CRPPA: variants seen among roughly 807,000 people sequenced by gnomAD.
CRPPA encodes D-ribitol-5-phosphate cytidylyltransferase.
A neutral mutation model predicts 52.0 loss-of-function variants in CRPPA; 43 were observed. The ratio of observed to expected loss-of-function variants is 0.83; its 90% CI spans 0.65 to 1.07. The LOEUF is 1.07. Ranked by LOEUF, CRPPA falls within the 50% of genes least tolerant of loss-of-function variation. The probability of loss-of-function intolerance (pLI) is 0.00; values close to 1 mark genes in which losing one functional copy is unlikely to be tolerated. For missense variants in CRPPA, 629 were observed against 551.7 expected (o/e 1.14, Z -1.40); for synonymous variants, 250 against 203.5 (o/e 1.23, Z -1.94).
rs139729818 is a variant in CRPPA, at chr7:16,415,915, G to T, written c.257+5151C>A. Among the ~76,000 whole-genome samples the T allele has an allele frequency of 4.8e-4, 73 of 152,274 alleles. No homozygotes were observed. In the East Asian group the frequency reaches 0.014, roughly 29 times the overall value. ...TTTAGGAATTTGGGGCCAAAGTTCA[G>T]AAGTTTCTACCTTCTCTTTTGCAGT... On this transcript the variant is annotated intron_variant, in intron 1 of 9. Coordinates refer to ENST00000407010, the MANE Select transcript of CRPPA (RefSeq NM_001101426.4).
chr7:16,216,883 C>G (rs1037198679), intron 8 of CRPPA, among the ~76,000 whole-genome samples: 39 of 152,194 alleles, frequency 2.6e-4, no homozygotes, highest in Middle Eastern at 6.8e-3. Flanking sequence ...CGCCATTGCC[C>G]AGGCTTGCTT....
chr7:16,167,587 G>C (rs1781094279), intron 9 of CRPPA, among the ~76,000 whole-genome samples: 1 of 152,126 alleles, frequency 6.6e-6, no homozygotes, highest in South Asian at 2.1e-4. Context: ...CAGTATAAAA[G>C]AAATGGGCTT....
At chr7:16,096,091 C>T (rs1781930109) in intron 9 of CRPPA, among the ~76,000 whole-genome samples, 1 of 152,110 alleles carries the variant, frequency 6.6e-6, no homozygotes, top group Admixed American at 6.6e-5. Context: ...CTGAATCCGA[C>T]CAGCCCTAAG....
chr7:16,234,832 T>C (rs948142832), intron 8 of CRPPA, among the ~76,000 whole-genome samples: 6 of 152,030 alleles, frequency 3.9e-5, no homozygotes, highest in Non-Finnish European at 5.9e-5. Context: ...CAAGAGGAAA[T>C]GTCACTCAAA....
chr7:16,129,244 C>A (rs145863725), intron 9 of CRPPA, among the ~76,000 whole-genome samples: 1 of 152,042 alleles, frequency 6.6e-6, no homozygotes, highest in Non-Finnish European at 1.5e-5. Context: ...CTCTCTTCTA[C>A]CTTCAGATCT....
chr7:16,148,595 A>G lies in CRPPA; in HGVS notation c.1252-56796T>C, dbSNP rs75909081. 2.4e-3 allele frequency among the ~76,000 whole-genome samples: 359 copies of G among 152,226 alleles called. 1 individual carries two copies. Among genetic ancestry groups the G allele is most frequent in the Non-Finnish European group, 4.4e-3 (298 of 67,984 alleles). Reference sequence around the variant, plus strand: ...GTGAGAGCTAAAACAATGAGCTCATATAACAAGTAGAGAGTGGAATTTTGG... The same window carrying G: ...GTGAGAGCTAAAACAATGAGCTCATGTAACAAGTAGAGAGTGGAATTTTGG... On this transcript the variant is annotated intron_variant, in intron 9 of 9. Coordinates refer to ENST00000407010, the MANE Select transcript of CRPPA (RefSeq NM_001101426.4).
At position 16,089,202 on chromosome 7, in the gene CRPPA, A is replaced by ACGTACGTATATACATGTATGTGTGTATG. The variant is rs1781762822; in HGVS notation, c.*2492_*2493insCATACACACATACATGTATATACGTACG. On this transcript the variant is annotated 3_prime_UTR_variant, in exon 10 of 10. Coordinates refer to ENST00000407010, the MANE Select transcript of CRPPA (RefSeq NM_001101426.4). ...CGTATATACATATATGTGTGTATAT[A>ACGTACGTATATACATGTATGTGTGTATG]CGTACGTATATACATATATGTGTGT... is the stretch of plus-strand genomic sequence containing the variant. The ACGTACGTATATACATGTATGTGTGTATG allele has an allele frequency of 2.9e-6, 1 of 339,230 alleles. No individual in the cohort carries two copies. Among genetic ancestry groups the ACGTACGTATATACATGTATGTGTGTATG allele is most frequent in the African/African-American group, 2.2e-5 (1 of 45,604 alleles). 21.0% of individuals were successfully genotyped at this position (339,230 alleles called of 1,614,324 possible). A position where few individuals can be genotyped will look rare whatever the true frequency, so the allele number is the denominator to read the frequency against.
intron 9 of CRPPA, among the ~76,000 whole-genome samples, chr7:16,165,723 T>A (rs1781049476): frequency 6.6e-6 from 1 of 152,246 alleles, no homozygotes; most frequent in African/African-American, 2.4e-5. Flanking sequence ...CCTTGCTTTC[T>A]CTTTTCTCCC....
intron 2 of CRPPA, among the ~76,000 whole-genome samples, chr7:16,378,377 T>C (rs143814914): frequency 0.026 from 3,854 of 150,752 alleles, 69 homozygotes; most frequent in East Asian, 0.13. Context: ...TTTTTGTACT[T>C]GCGATAGTTT....
intron 9 of CRPPA, among the ~76,000 whole-genome samples, chr7:16,116,091 A>C (rs1478351648): frequency 6.6e-6 from 1 of 152,212 alleles, no homozygotes; most frequent in Non-Finnish European, 1.5e-5. Flanking sequence ...CATAGTTTCC[A>C]AATATTTTAC....
chr7:16,383,510 C>T (rs1457190206), intron 2 of CRPPA, among the ~76,000 whole-genome samples: 1 of 152,218 alleles, frequency 6.6e-6, no homozygotes, highest in African/African-American at 2.4e-5. Context: ...GGGAGAACCA[C>T]TGCTCTCTTC....
chr7:16,286,043 A>AT (rs1207582924), intron 5 of CRPPA, among the ~76,000 whole-genome samples: 3 of 6,460 alleles, frequency 4.6e-4, no homozygotes, highest in Admixed American at 2.3e-3. Context: ...AAAAAAATAT[A>AT]AATATATATA....
chr7:16,322,186 G>A (rs142953176), intron 3 of CRPPA, among the ~76,000 whole-genome samples: 167 of 152,094 alleles, frequency 1.1e-3, no homozygotes, highest in African/African-American at 3.8e-3. Flanking sequence ...TCTAATATAC[G>A]TAATATTGGC....
chr7:16,415,559 C>T (rs1788173236), intron 1 of CRPPA, among the ~76,000 whole-genome samples: 1 of 152,146 alleles, frequency 6.6e-6, no homozygotes, highest in Non-Finnish European at 1.5e-5. Context: ...CAGAGATACC[C>T]TGTGCCTCTG....
chr7:16,250,484 G>A (rs146152412), intron 8 of CRPPA, among the ~76,000 whole-genome samples: 2,002 of 152,214 alleles, frequency 0.013, 45 homozygotes, highest in African/African-American at 0.045. Flanking sequence ...GAAAGGTCAG[G>A]TTACCCACAA....
At chr7:16,221,695 A>G (rs974003865) in intron 8 of CRPPA, among the ~76,000 whole-genome samples, 7 of 152,154 alleles carry the variant, frequency 4.6e-5, no homozygotes, top group Admixed American at 1.3e-4. Flanking sequence ...ACATGAAAAA[A>G]TGCTCATTAT....
chr7:16,268,999 A>G (rs1422791558), intron 6 of CRPPA: 1 of 152,068 alleles, frequency 6.6e-6, no homozygotes, highest in Non-Finnish European at 1.5e-5. Context: ...GAACTTCTTG[A>G]GTTTTGTGTT....
chr7:16,381,440 T>C (rs1187265142), intron 2 of CRPPA, among the ~76,000 whole-genome samples: 2 of 151,946 alleles, frequency 1.3e-5, no homozygotes, highest in Admixed American at 1.3e-4. Context: ...ATAGGTTTGG[T>C]GTGGTGCTGA....
chr7:16,309,049 G>C (rs1201839673), intron 3 of CRPPA, among the ~76,000 whole-genome samples: 1 of 151,882 alleles, frequency 6.6e-6, no homozygotes, highest in Non-Finnish European at 1.5e-5. Flanking sequence ...ATTTATATCA[G>C]GACATTTGCA....
Sources: gnomAD v4.1 joint callset for allele counts (sites outside exome capture counted in the v4.1 genomes callset) on GRCh38, gnomAD v4.1.1 for gene constraint, MANE v1.5 for transcripts, NCBI Gene and HGNC (gene_info 2026-07-23, HGNC 2026-07-21) for gene names.